MAPK10: variants seen among roughly 807,000 people sequenced by gnomAD.
MAPK10 encodes mitogen-activated protein kinase 10, also known as JNK3 alpha protein kinase.
Under a neutral mutation model 59.3 loss-of-function variants are expected in MAPK10, and 25 were observed. That is an observed-to-expected ratio of 0.42 (90% CI 0.31 to 0.59). The LOEUF is 0.59. Ranked by LOEUF, MAPK10 falls within the 20% of genes least tolerant of loss-of-function variation. The pLI is 0.15. For synonymous variants in MAPK10, 190 were observed against 200.5 expected (o/e 0.95, Z 0.44); for missense variants, 351 against 568.9 (o/e 0.62, Z 3.90).
At chr4:86,532,920 G>A (rs547583170) in intron 1 of MAPK10, among the ~76,000 whole-genome samples, 2 of 152,234 alleles carry the variant, frequency 1.3e-5, no homozygotes, top group African/African-American at 4.8e-5. Context: ...AGGGATTGGG[G>A]CCTTTGTGTT....
At chr4:86,166,486 G>C (rs1038366274) in intron 3 of MAPK10, among the ~76,000 whole-genome samples, 1 of 151,890 alleles carries the variant, frequency 6.6e-6, no homozygotes, top group African/African-American at 2.4e-5. Flanking sequence ...TTATTGAGAA[G>C]TTAGACAACA....
chr4:86,290,168 T>C (rs757312424), intron 2 of MAPK10, among the ~76,000 whole-genome samples: 9 of 152,096 alleles, frequency 5.9e-5, no homozygotes, highest in Non-Finnish European at 1.2e-4. Context: ...ATGGCTGAGC[T>C]CTAGAATTCT....
At chr4:86,029,701 T>C (rs2038489421) in intron 12 of MAPK10, among the ~76,000 whole-genome samples, 2 of 152,180 alleles carry the variant, frequency 1.3e-5, no homozygotes, top group African/African-American at 4.8e-5. Flanking sequence ...CTAGCAACAA[T>C]TTTTATGGCT....
intron 3 of MAPK10, chr4:86,160,509 C>A (rs912045397): frequency 6.6e-6 from 1 of 151,908 alleles, no homozygotes; most frequent in Non-Finnish European, 1.5e-5. Context: ...TGGTTTTGAC[C>A]CATTTGGGGC....
intron 1 of MAPK10, among the ~76,000 whole-genome samples, chr4:86,375,587 C>A (rs935306326): frequency 4.6e-5 from 7 of 151,494 alleles, no homozygotes; most frequent in African/African-American, 1.7e-4. Context: ...TAGTGGCATG[C>A]ACCTGTGGTC....
chr4:86,546,556 T>TAAA (rs11386733), intron 1 of MAPK10, among the ~76,000 whole-genome samples: 1 of 136,988 alleles, frequency 7.3e-6, no homozygotes, highest in Non-Finnish European at 1.6e-5. Flanking sequence ...AAACTCCTTC[T>TAAA]AAAAAAAAAA....
intron 1 of MAPK10, among the ~76,000 whole-genome samples, chr4:86,419,095 A>G (rs1453533041): frequency 6.6e-6 from 1 of 152,192 alleles, no homozygotes; most frequent in Non-Finnish European, 1.5e-5. Context: ...AATCACCACT[A>G]AAGAACTTAT....
intron 3 of MAPK10, among the ~76,000 whole-genome samples, chr4:86,187,352 T>G (rs984698217): frequency 2.6e-5 from 4 of 152,144 alleles, no homozygotes; most frequent in Non-Finnish European, 1.5e-5. Context: ...CAGAGATGGT[T>G]GTTACGTAAT....
chr4:86,361,200 G>A (rs549474007), upstream of MAPK10, among the ~76,000 whole-genome samples: 2 of 152,148 alleles, frequency 1.3e-5, no homozygotes, highest in African/African-American at 2.4e-5. Context: ...TGTAAGAAAC[G>A]CATACGTTTT....
intron 11 of MAPK10, among the ~76,000 whole-genome samples, chr4:86,053,406 A>T (rs1431699779): frequency 2.6e-5 from 4 of 152,178 alleles, no homozygotes; most frequent in Non-Finnish European, 5.9e-5. Flanking sequence ...TGATTGTTTT[A>T]GCAACATTAC....
intron 1 of MAPK10, among the ~76,000 whole-genome samples, chr4:86,483,926 AGAAGACAAAT>A (rs1440087462): frequency 1.3e-5 from 2 of 152,222 alleles, no homozygotes; most frequent in Non-Finnish European, 2.9e-5. Context: ...AGAGGTAGCC[AGAAGACAAAT>A]GTTGGAATAG....
intron 3 of MAPK10, among the ~76,000 whole-genome samples, chr4:86,170,769 A>G (rs1430407862): frequency 6.6e-6 from 1 of 150,480 alleles, no homozygotes; most frequent in Non-Finnish European, 1.5e-5. Flanking sequence ...AACAGAATAT[A>G]CATTTTTTTC....
At chr4:86,507,152 A>G (rs1055768029) in intron 1 of MAPK10, among the ~76,000 whole-genome samples, 1 of 152,170 alleles carries the variant, frequency 6.6e-6, no homozygotes. Context: ...CATATCCAAC[A>G]TAAGAACAAC....
chr4:86,294,100 T>C (rs1448992971), intron 2 of MAPK10, among the ~76,000 whole-genome samples: 2 of 152,182 alleles, frequency 1.3e-5, no homozygotes, highest in Non-Finnish European at 2.9e-5. Flanking sequence ...CCGGCTTCTT[T>C]CCTCATCAAT....
At chr4:86,310,665 T>C (rs569665382) in intron 2 of MAPK10, among the ~76,000 whole-genome samples, 13 of 152,286 alleles carry the variant, frequency 8.5e-5, no homozygotes, top group African/African-American at 2.6e-4. Context: ...TTGAAACCTA[T>C]TGAAATGCTT....
intron 9 of MAPK10, among the ~76,000 whole-genome samples, chr4:86,092,868 C>A (rs1037128477): frequency 6.6e-6 from 1 of 152,018 alleles, no homozygotes; most frequent in Admixed American, 6.6e-5. Flanking sequence ...TCATCACATT[C>A]TTTCATCATC....
chr4:86,499,359 GAAC>G (rs1755125820), intron 1 of MAPK10, among the ~76,000 whole-genome samples: 1 of 152,180 alleles, frequency 6.6e-6, no homozygotes, highest in African/African-American at 2.4e-5. Flanking sequence ...AGCACACCAG[GAAC>G]CTTGACTTCA....
chr4:86,320,142 A>G (rs749612329), intron 2 of MAPK10, among the ~76,000 whole-genome samples: 3 of 152,230 alleles, frequency 2.0e-5, no homozygotes, highest in Non-Finnish European at 4.4e-5. Flanking sequence ...TAGACAAGTC[A>G]GCTAACTCAT....
At chr4:86,587,976 C>T (rs917520330) in intron 1 of MAPK10, among the ~76,000 whole-genome samples, 2 of 152,172 alleles carry the variant, frequency 1.3e-5, no homozygotes, top group Non-Finnish European at 2.9e-5. Context: ...ATGGCTGTGC[C>T]TGTGAATAGC....
Sources: gnomAD v4.1 joint callset for allele counts (sites outside exome capture counted in the v4.1 genomes callset) on GRCh38, gnomAD v4.1.1 for gene constraint, MANE v1.5 for transcripts, NCBI Gene and HGNC (gene_info 2026-07-23, HGNC 2026-07-21) for gene names.